KAT2B: variants seen among roughly 807,000 people sequenced by gnomAD.
KAT2B encodes the protein lysine acetyltransferase 2B, also known as histone acetyltransferase KAT2B.
KAT2B carries 36 observed loss-of-function variants against 105.9 expected under a neutral mutation model. That is an observed-to-expected ratio of 0.34 (90% confidence interval 0.26 to 0.45). The LOEUF (loss-of-function observed/expected upper bound fraction) is 0.45, where lower values mean the gene tolerates loss of function less well. Among genes scored for constraint, KAT2B ranks in the 20% least tolerant of loss-of-function variants. KAT2B has a pLI of 1.00. For missense variants in KAT2B, 820 were observed against 1,021.6 expected (o/e 0.80, Z 2.69); for synonymous variants, 397 against 377.9 (o/e 1.05, Z -0.59).
Position 20,146,375 on chromosome 3 carries a change from T to G in KAT2B, c.2064T>G (p.Leu688=). 2 of 1,613,618 alleles carry G rather than the reference T, an allele frequency of 1.2e-6. No homozygotes were observed. The highest frequency in any genetic ancestry group is 2.7e-5 in the African/African-American group (2 of 75,040). ...AAATTCGAAAAGTTTACCCTGGACT[T>G]TCATGTTTTAAAGATGGAGTTCGAC... The part of the protein sequence containing the change: ...QAQIRKVYPG[L]SCFKDGVRQI... Residue 688 remains leucine (L), a synonymous_variant, in exon 14 of 18, where the codon CTT becomes CTG. Transcript: ENST00000263754.
rs562562672 is a variant in KAT2B at position 20,142,665 on chromosome 3, G to A, written c.2004+2301G>A. Reference sequence around the variant, plus strand: ...AGTGTTGACTCCAAGGGAAAGGTAGGATCTGTAGGGGCCTCATGTCACCTG... The same window carrying A: ...AGTGTTGACTCCAAGGGAAAGGTAGAATCTGTAGGGGCCTCATGTCACCTG... On this transcript the variant is annotated intron_variant, in intron 13 of 17. Coordinates refer to ENST00000263754, the MANE Select transcript of KAT2B (RefSeq NM_003884.5). 9.9e-5 allele frequency among the ~76,000 whole-genome samples: 15 copies of A among 152,278 alleles called. No individual in the cohort carries two copies. The South Asian group carries it at 2.9e-3, about 29-fold the overall frequency.
At chr3:20,071,679 A>G (rs916453323) in intron 1 of KAT2B, among the ~76,000 whole-genome samples, 8 of 152,356 alleles carry the variant, frequency 5.3e-5, no homozygotes, top group Non-Finnish European at 8.8e-5. Flanking sequence ...GAAGCTTTCT[A>G]TCAAGTGTTG....
intron 1 of KAT2B, among the ~76,000 whole-genome samples, chr3:20,043,662 A>C (rs1313951123): frequency 6.6e-6 from 1 of 152,116 alleles, no homozygotes; most frequent in African/African-American, 2.4e-5. Context: ...GTGCGTGGCC[A>C]AGAGGGCACT....
In KAT2B at chr3:20,101,463, C is replaced by T. The variant is rs1309038864; in HGVS notation, c.846C>T (p.Tyr282=). Residue 282 remains tyrosine, a synonymous_variant, in exon 5 of 18, where the codon TAC becomes TAT. Transcript: ENST00000263754. The part of the protein sequence containing the change: ...NDDISGYKEN[Y]TRWLCYCNVP... ...ATATTTCTGGATACAAAGAGAACTA[C>T]ACAAGGTAATCAGATGCAAGTTCTT... The T allele has an allele frequency of 6.2e-7, 1 of 1,613,624 alleles. No homozygotes were observed. Among genetic ancestry groups the T allele is most frequent in the African/African-American group, 1.3e-5 (1 of 75,032 alleles).
intron 5 of KAT2B, among the ~76,000 whole-genome samples, chr3:20,107,021 T>A (rs1328475925): frequency 1.2e-3 from 41 of 34,896 alleles, no homozygotes; most frequent in Non-Finnish European, 1.7e-3. Flanking sequence ...ATATATTTTT[T>A]TTTTTTTTTT....
intron 2 of KAT2B, among the ~76,000 whole-genome samples, chr3:20,091,446 T>C (rs1698716801): frequency 6.6e-6 from 1 of 152,102 alleles, no homozygotes; most frequent in Non-Finnish European, 1.5e-5. Context: ...AAGAACCAAC[T>C]TTTAGTTTTG....
At chr3:20,145,353 C>T (rs1277894852) in intron 13 of KAT2B, among the ~76,000 whole-genome samples, 1 of 152,100 alleles carries the variant, frequency 6.6e-6, no homozygotes, top group African/African-American at 2.4e-5. Flanking sequence ...TTACTAGTCC[C>T]ATTCATTTTA....
At chr3:20,117,049 A>G (rs1364237530) in intron 7 of KAT2B, among the ~76,000 whole-genome samples, 1 of 152,140 alleles carries the variant, frequency 6.6e-6, no homozygotes, top group East Asian at 1.9e-4. Flanking sequence ...AGCAGGATCA[A>G]CATAGTTCTC....
At chr3:20,124,356 C>A (rs530546683) in intron 9 of KAT2B, among the ~76,000 whole-genome samples, 1 of 152,092 alleles carries the variant, frequency 6.6e-6, no homozygotes, top group African/African-American at 2.4e-5. Flanking sequence ...CTGGGGAGGC[C>A]TCAGGGAACT....
At chr3:20,136,243 G>GA (rs1699597416) in intron 11 of KAT2B, among the ~76,000 whole-genome samples, 1 of 152,164 alleles carries the variant, frequency 6.6e-6, no homozygotes, top group Non-Finnish European at 1.5e-5. Flanking sequence ...AATCACATTA[G>GA]ATTTACACGT....
chr3:20,097,697 C>T (rs1028834116), intron 3 of KAT2B, among the ~76,000 whole-genome samples: 16 of 152,004 alleles, frequency 1.1e-4, no homozygotes, highest in African/African-American at 3.1e-4. Flanking sequence ...CCGCCATGCC[C>T]GGCTAATATT....
chr3:20,055,921 C>T (rs1032376571), intron 1 of KAT2B, among the ~76,000 whole-genome samples: 4 of 152,112 alleles, frequency 2.6e-5, no homozygotes, highest in South Asian at 2.1e-4. Context: ...TTCTTTCACT[C>T]AGTATATTTT....
At chr3:20,106,106 C>T (rs1019193384) in intron 5 of KAT2B, among the ~76,000 whole-genome samples, 29 of 152,196 alleles carry the variant, frequency 1.9e-4, no homozygotes, top group African/African-American at 7.0e-4. Context: ...ATTTTCAGTT[C>T]AGCAAGTCAG....
rs1697846832 is a variant in KAT2B at position 20,048,077 on chromosome 3, A to G, written c.303+7297A>G. 2.6e-5 allele frequency among the ~76,000 whole-genome samples: 4 copies of G among 152,340 alleles called. No individual in the cohort carries two copies. The South Asian group carries it at 8.3e-4, about 32-fold the overall frequency. ...GGTGGATAAGATGTTGTTTTAAAAG[A>G]TCAGTCTTTAGCCACATAAGTTTAT... On this transcript the variant is annotated intron_variant, in intron 1 of 17. Coordinates refer to ENST00000263754, the MANE Select transcript of KAT2B (RefSeq NM_003884.5).
chr3:20,058,287 G>A (rs9817735), intron 1 of KAT2B, among the ~76,000 whole-genome samples: 3,977 of 151,690 alleles, frequency 0.026, 157 homozygotes, highest in African/African-American at 0.09. Flanking sequence ...GTGAAACCCC[G>A]TCTCTATTAA....
chr3:20,116,460 A>G (rs1006037179), intron 7 of KAT2B, among the ~76,000 whole-genome samples: 1 of 152,142 alleles, frequency 6.6e-6, no homozygotes, highest in Non-Finnish European at 1.5e-5. Context: ...TTTGAAATGC[A>G]CTGTATACTG....
chr3:20,062,254 A>AATATATAATATATAAAAT (rs368794227), intron 1 of KAT2B, among the ~76,000 whole-genome samples: 1 of 61,438 alleles, frequency 1.6e-5, no homozygotes, highest in African/African-American at 8.3e-5. Flanking sequence ...TAATATATAA[A>AATATATAATATATAAAAT]ATATGATATA....
chr3:20,102,997 T>C (rs1052569680), intron 5 of KAT2B, among the ~76,000 whole-genome samples: 1 of 152,228 alleles, frequency 6.6e-6, no homozygotes, highest in Non-Finnish European at 1.5e-5. Context: ...ACACACCCTT[T>C]TCCTCTCTTT....
intron 7 of KAT2B, among the ~76,000 whole-genome samples, chr3:20,116,865 T>A (rs924324049): frequency 6.6e-6 from 1 of 152,130 alleles, no homozygotes. Context: ...GTGATGGAAT[T>A]GGGTTTCACA....
Sources: allele counts gnomAD v4.1 joint callset (sites outside exome capture counted in the v4.1 genomes callset), GRCh38; gene constraint gnomAD v4.1.1; transcripts MANE v1.5; gene names NCBI Gene and HGNC (gene_info 2026-07-23, HGNC 2026-07-21).